ERAP1: variants seen among roughly 807,000 people sequenced by gnomAD.
The protein encoded by ERAP1 is endoplasmic reticulum aminopeptidase 1.
Under a neutral mutation model 103.7 loss-of-function variants are expected in ERAP1, and 86 were observed. The ratio of observed to expected loss-of-function variants is 0.83; its 90% CI spans 0.70 to 0.99. The LOEUF is 0.99. Ranked by LOEUF, ERAP1 falls within the 50% of genes least tolerant of loss-of-function variation. ERAP1 has a pLI of 0.00. For missense variants in ERAP1, 1,009 were observed against 1,128.4 expected (o/e 0.89, Z 1.52); for synonymous variants, 398 against 402.4 (o/e 0.99, Z 0.13).
chr5:96,836,691 A>T, the ERAP1 span, among the ~76,000 whole-genome samples: 1 of 152,356 alleles, frequency 6.6e-6, no homozygotes. Context: ...ATTCCTTAGC[A>T]CTTACATAAA....
chr5:96,894,990 T>C, the ERAP1 span, among the ~76,000 whole-genome samples: 136 of 151,744 alleles, frequency 9.0e-4, 4 homozygotes, highest in East Asian at 0.025. Context: ...GTTGGGCAGA[T>C]AGAATGAAAG....
intron 3 of ERAP1, 145 bp downstream of exon 3, chr5:96,800,717 C>T (rs189351233): frequency 6.7e-4 from 594 of 885,860 alleles, no homozygotes; most frequent in Non-Finnish European, 7.8e-4. Context: ...GAAACAAAAG[C>T]ATAGGTTATA....
At chr5:96,901,500 T>C in the ERAP1 span, 88 of 1,612,584 alleles carry the variant, frequency 5.5e-5, no homozygotes, top group Non-Finnish European at 7.0e-5. Flanking sequence ...TCACCTGTCA[T>C]TTCAGCTCGC....
chr5:96,776,225 G>GCCCATTCATGAAAAAA lies in ERAP1; in HGVS notation c.*170_*171insTTTTTTCATGAATGGG. The GCCCATTCATGAAAAAA allele has an allele frequency of 6.7e-7, 1 of 1,499,984 alleles. No homozygotes were observed. Among genetic ancestry groups the GCCCATTCATGAAAAAA allele is most frequent in the Non-Finnish European group, 8.9e-7 (1 of 1,128,492 alleles). 92.9% of individuals were successfully genotyped at this position (1,499,984 alleles called of 1,614,324 possible). A position where few individuals can be genotyped will look rare whatever the true frequency, so the allele number is the denominator to read the frequency against. ...ATGAACAAAACACATGGTAGCGATA[G>GCCCATTCATGAAAAAA]CCCATTCATGAAAAACTAACAGCTA... On this transcript the variant is annotated 3_prime_UTR_variant, in exon 19 of 19. Transcript: ENST00000443439.
At chr5:96,870,343 A>T in the ERAP1 span, among the ~76,000 whole-genome samples, 1 of 152,246 alleles carries the variant, frequency 6.6e-6, no homozygotes, top group Non-Finnish European at 1.5e-5. Context: ...AACACAGGCA[A>T]ACATGAACGT....
chr5:96,792,675 T>C (rs556775936), intron 7 of ERAP1, among the ~76,000 whole-genome samples: 11 of 152,308 alleles, frequency 7.2e-5, no homozygotes, highest in African/African-American at 2.4e-4. Flanking sequence ...AAAGATCATG[T>C]AGAAACATAA....
chr5:96,782,371 T>C (rs1336031494), intron 15 of ERAP1, among the ~76,000 whole-genome samples: 2 of 152,188 alleles, frequency 1.3e-5, no homozygotes, highest in Non-Finnish European at 2.9e-5. Flanking sequence ...TAAGTAGCCT[T>C]CTCAAAAATG....
the ERAP1 span, among the ~76,000 whole-genome samples, chr5:96,906,070 C>T: frequency 2.6e-5 from 4 of 151,972 alleles, no homozygotes; most frequent in African/African-American, 9.7e-5. Context: ...CCACCACACC[C>T]AGTGTAAATC....
the ERAP1 span, among the ~76,000 whole-genome samples, chr5:96,877,029 C>A: frequency 6.6e-6 from 1 of 152,152 alleles, no homozygotes; most frequent in Admixed American, 6.5e-5. Context: ...GGCTGGAGTG[C>A]AGCAGCACGA....
chr5:96,912,641 C>G, the ERAP1 span: 1 of 1,605,336 alleles, frequency 6.2e-7, no homozygotes. Flanking sequence ...TTACAGTATA[C>G]CAACAGATGT....
chr5:96,793,850 T>C lies in ERAP1; in HGVS notation c.1027A>G (p.Ser343Gly), dbSNP rs1335961360. 2 of 1,614,154 alleles carry C rather than the reference T, an allele frequency of 1.2e-6. No homozygotes were observed. The highest frequency in any genetic ancestry group is 1.7e-6 in the Non-Finnish European group (2 of 1,179,982). Residue 343 changes from serine (S) to glycine (G), a missense_variant, in exon 6 of 19, where the codon AGT (serine) becomes GGT (glycine). Coordinates refer to ENST00000443439, the MANE Select transcript of ERAP1 (RefSeq NM_001040458.3). ...ACAGTCATTGTGATGCCAAGCTTAC[T>C]TGATGCAGAAGACTTTTCTGCATCA... ...LFDAEKSSAS[S>G]KLGITMTVAH...
chr5:96,870,069 G>A, the ERAP1 span, among the ~76,000 whole-genome samples: 3 of 152,160 alleles, frequency 2.0e-5, no homozygotes, highest in East Asian at 3.9e-4. Flanking sequence ...AATTCCCCAG[G>A]GGCATTTGCA....
At chr5:96,805,871 C>T (rs894309849) in intron 1 of ERAP1, 1 of 152,258 alleles carries the variant, frequency 6.6e-6, no homozygotes, top group Non-Finnish European at 1.5e-5. Flanking sequence ...TCTCCAACAG[C>T]CCCAGAGAAG....
chr5:96,777,741 C>G (rs757326653), intron 18 of ERAP1, among the ~76,000 whole-genome samples: 4 of 152,150 alleles, frequency 2.6e-5, no homozygotes, highest in Non-Finnish European at 5.9e-5. Flanking sequence ...ATCATTAATC[C>G]TAAAGGAGCT....
downstream of ERAP1, chr5:96,771,544 C>A: frequency 3.9e-6 from 3 of 773,084 alleles, no homozygotes; most frequent in Non-Finnish European, 2.1e-6. Context: ...TTATTTTTCC[C>A]CACTGACTGC....
the ERAP1 span, among the ~76,000 whole-genome samples, chr5:96,826,555 A>G: frequency 6.6e-6 from 1 of 152,198 alleles, no homozygotes; most frequent in South Asian, 2.1e-4. Context: ...ACTTTTTTGA[A>G]AAAAGAGCCA....
the ERAP1 span, among the ~76,000 whole-genome samples, chr5:96,870,621 C>T: frequency 6.6e-6 from 1 of 152,286 alleles, no homozygotes; most frequent in South Asian, 2.1e-4. Flanking sequence ...GGTGTTTTCC[C>T]TTGATGTAGT....
the ERAP1 span, among the ~76,000 whole-genome samples, chr5:96,857,902 T>TAG: frequency 6.6e-6 from 1 of 152,016 alleles, no homozygotes; most frequent in African/African-American, 2.4e-5. Context: ...AGGGGCAGGG[T>TAG]AGAGGGTAAG....
chr5:96,771,492 A>G, downstream of ERAP1: 1 of 565,546 alleles, frequency 1.8e-6, no homozygotes, highest in Non-Finnish European at 3.2e-6. Flanking sequence ...AAGAACTCAC[A>G]ATATTGTGGC....
Sources: allele counts gnomAD v4.1 joint callset (sites outside exome capture counted in the v4.1 genomes callset), GRCh38; gene constraint gnomAD v4.1.1; transcripts MANE v1.5; gene names NCBI Gene and HGNC (gene_info 2026-07-23, HGNC 2026-07-21).